Variants in DAB1 observed in about 807,000 individuals in gnomAD.
DAB1 encodes the protein disabled homolog 1.
DAB1 carries 15 observed loss-of-function variants against 64.6 expected under a neutral mutation model. The ratio of observed to expected loss-of-function variants is 0.23; its 90% CI spans 0.16 to 0.36. The LOEUF is 0.36. Ranked by LOEUF, DAB1 falls within the 10% of genes least tolerant of loss-of-function variation. The pLI is 1.00. For synonymous variants in DAB1, 235 were observed against 251.9 expected, an observed-to-expected ratio of 0.93 and a Z score of 0.64; for missense variants, 596 against 706.7, an observed-to-expected ratio of 0.84 and a Z score of 1.78.
At chr1:58,187,190 G>A (rs984328210) in intron 4 of DAB1, among the ~76,000 whole-genome samples, 3 of 151,956 alleles carry the variant, frequency 2.0e-5, no homozygotes, top group Admixed American at 6.6e-5. Flanking sequence ...CAGGCACAGC[G>A]GCTCATGCCT....
chr1:57,792,019 T>G (rs1396448514), intron 6 of DAB1, among the ~76,000 whole-genome samples: 1 of 152,216 alleles, frequency 6.6e-6, no homozygotes, highest in Non-Finnish European at 1.5e-5. Context: ...AAAGACTTAA[T>G]TTTTTAAAGG....
chr1:57,384,382 T>C (rs1230097117), intron 1 of DAB1, among the ~76,000 whole-genome samples: 1 of 152,200 alleles, frequency 6.6e-6, no homozygotes, highest in Admixed American at 6.5e-5. Context: ...AGAATTACCA[T>C]ATTATTCAGC....
chr1:58,444,115 A>G (rs1047802419), intron 3 of DAB1, among the ~76,000 whole-genome samples: 4 of 152,232 alleles, frequency 2.6e-5, no homozygotes, highest in Non-Finnish European at 5.9e-5. Flanking sequence ...ATTAAGCCCC[A>G]TGTGATGCTG....
chr1:57,000,953 G>T (rs532564501), intron 14 of DAB1, among the ~76,000 whole-genome samples: 1 of 152,268 alleles, frequency 6.6e-6, no homozygotes, highest in South Asian at 2.1e-4. Flanking sequence ...TCTCCTACTT[G>T]CCCGAATTTA....
At chr1:58,047,942 A>G in intron 5 of DAB1, 1 of 449,474 alleles carries the variant, frequency 2.2e-6, no homozygotes, top group East Asian at 4.4e-5. Flanking sequence ...CTTTGTTGGA[A>G]TGCTTTACAC....
chr1:57,483,267 C>T (rs1388423053), intron 7 of DAB1, among the ~76,000 whole-genome samples: 5 of 152,174 alleles, frequency 3.3e-5, no homozygotes, highest in Non-Finnish European at 7.3e-5. Context: ...TGAATTATAG[C>T]TCCCATAATT....
rs115532795 is a variant in DAB1 at position 57,084,589 on chromosome 1, A to C, written c.307-12175T>G. Among the ~76,000 whole-genome samples the C allele has an allele frequency of 8.4e-3, 1,273 of 152,304 alleles. 19 individuals are homozygous for C. Among genetic ancestry groups the C allele is most frequent in the African/African-American group, 0.029 (1,219 of 41,572 alleles). The stretch of plus-strand genomic sequence containing the variant: ...TGTTGATGAGACAAGGGTTAAAAGA[A>C]ACCAACATGAAATTAAATTCTACGT... On this transcript the variant is annotated intron_variant, in intron 4 of 14. Coordinates refer to ENST00000371236, the MANE Select transcript of DAB1 (RefSeq NM_001365792.1).
intron 3 of DAB1, among the ~76,000 whole-genome samples, chr1:58,412,776 C>G (rs1473894021): frequency 6.6e-6 from 1 of 152,290 alleles, no homozygotes; most frequent in African/African-American, 2.4e-5. Flanking sequence ...AGGATTCAAA[C>G]CCCAGTTCTA....
intron 4 of DAB1, among the ~76,000 whole-genome samples, chr1:58,330,544 T>C (rs1031078533): frequency 2.0e-5 from 3 of 152,226 alleles, no homozygotes; most frequent in East Asian, 1.9e-4. Flanking sequence ...CTTTCAGAGA[T>C]ACAGAAGAAA....
intron 2 of DAB1, among the ~76,000 whole-genome samples, chr1:58,518,103 T>C (rs1159380278): frequency 6.7e-6 from 1 of 150,086 alleles, no homozygotes; most frequent in African/African-American, 2.5e-5. Context: ...GGAGAATCGC[T>C]TGAACACAGG....
chr1:58,290,600 G>T (rs138950978), intron 4 of DAB1, among the ~76,000 whole-genome samples: 1 of 152,230 alleles, frequency 6.6e-6, no homozygotes, highest in East Asian at 1.9e-4. Context: ...TGATTAAAAC[G>T]AAGGCCAAGG....
At position 57,457,362 on chromosome 1, in the gene DAB1, A is replaced by G. The variant is rs1013873057; in HGVS notation, n.626-166196T>C. Among the ~76,000 whole-genome samples the G allele has an allele frequency of 1.7e-4, 26 of 152,252 alleles. No individual in the cohort carries two copies. In the Middle Eastern group the frequency reaches 0.01, roughly 60 times the overall value. ...GGTTCAAGAGCCATTCACATATTAC[A>G]TTTGTTAGCAAAAACTAGGTCTGAA... On this transcript the variant is annotated intron_variant and non_coding_transcript_variant, in intron 7 of 20. Coordinates refer to the DAB1 transcript ENST00000485760.
chr1:57,426,872 A>T (rs7522717), upstream of DAB1, among the ~76,000 whole-genome samples: 3,792 of 143,460 alleles, frequency 0.026, 166 homozygotes, highest in African/African-American at 0.1. Context: ...ATATATATAT[A>T]TATTTTTTTG....
chr1:58,020,045 A>T (rs973668046), intron 5 of DAB1, among the ~76,000 whole-genome samples: 2 of 152,188 alleles, frequency 1.3e-5, no homozygotes, highest in Non-Finnish European at 2.9e-5. Flanking sequence ...GGAGTCCATA[A>T]CCTATTTCCC....
At chr1:57,126,296 A>G (rs550630392) in intron 4 of DAB1, among the ~76,000 whole-genome samples, 32 of 152,300 alleles carry the variant, frequency 2.1e-4, no homozygotes, top group African/African-American at 6.0e-4. Flanking sequence ...AAAGGAAACC[A>G]ATCAGTCATT....
At chr1:58,146,852 T>C (rs1231476338) in intron 5 of DAB1, among the ~76,000 whole-genome samples, 1 of 152,066 alleles carries the variant, frequency 6.6e-6, no homozygotes, top group Non-Finnish European at 1.5e-5. Context: ...AATGGATACT[T>C]AGGTTGTTTC....
At chr1:57,014,430 C>CA (rs1186470014) in intron 12 of DAB1, among the ~76,000 whole-genome samples, 1 of 152,194 alleles carries the variant, frequency 6.6e-6, no homozygotes, top group Non-Finnish European at 1.5e-5. Context: ...TTAAAGTTTG[C>CA]ATTCATTTTA....
chr1:57,055,714 G>A (rs897140448), intron 9 of DAB1, among the ~76,000 whole-genome samples: 1 of 152,204 alleles, frequency 6.6e-6, no homozygotes, highest in Non-Finnish European at 1.5e-5. Flanking sequence ...GCTGCTGACT[G>A]AGGCTCTAAG....
intron 5 of DAB1, among the ~76,000 whole-genome samples, chr1:58,044,552 G>A (rs1261978032): frequency 1.3e-5 from 2 of 152,052 alleles, no homozygotes; most frequent in African/African-American, 2.4e-5. Flanking sequence ...GAAAAGGAGA[G>A]GAGAAAGAAC....
Sources: allele counts gnomAD v4.1 joint callset (sites outside exome capture counted in the v4.1 genomes callset), GRCh38; gene constraint gnomAD v4.1.1; transcripts MANE v1.5; gene names NCBI Gene and HGNC (gene_info 2026-07-23, HGNC 2026-07-21).